The following FCHSD2 variants were observed in gnomAD, a reference collection of about 807,000 sequenced individuals.
FCHSD2 encodes F-BAR and double SH3 domains protein 2.
In FCHSD2, 38 loss-of-function variants were observed where a neutral mutation model predicts 108.1. The ratio of observed to expected loss-of-function variants is 0.35; its 90% CI spans 0.27 to 0.46. FCHSD2 has a LOEUF of 0.46. Ranked by LOEUF, FCHSD2 falls within the 20% of genes least tolerant of loss-of-function variation. The probability of loss-of-function intolerance (pLI) is 1.00; values close to 1 mark genes in which losing one functional copy is unlikely to be tolerated. For missense variants in FCHSD2, 751 were observed against 897.8 expected, an observed-to-expected ratio of 0.84 and a Z score of 2.09; for synonymous variants, 279 against 314.7, an observed-to-expected ratio of 0.89 and a Z score of 1.20.
chr11:72,984,179 G>T lies in FCHSD2; in HGVS notation c.614C>A (p.Thr205Asn). The T allele has an allele frequency of 1.2e-6, 2 of 1,613,578 alleles. No homozygotes were observed. The highest frequency in any genetic ancestry group is 2.2e-5 in the South Asian group (2 of 91,080). Residue 205 changes from threonine (T) to asparagine (N), a missense_variant, in exon 8 of 20, where the codon ACC becomes AAC. Transcript: ENST00000409418. Reference sequence around the variant, plus strand: ...AAGAAGATAATCATTCCTTGCGTGGGTAGCTTTGGAATTACACTCAGATCG... The same window carrying T: ...AAGAAGATAATCATTCCTTGCGTGGTTAGCTTTGGAATTACACTCAGATCG... ...ARRSECNSKA[T>N]HARNDYLLTL...
chr11:72,914,129 C>G lies in FCHSD2; in HGVS notation c.828+7699G>C, dbSNP rs147444597. Among the ~76,000 whole-genome samples, 933 of 152,196 alleles carry G rather than the reference C, an allele frequency of 6.1e-3. 6 individuals carry two copies. The highest frequency in any genetic ancestry group is 0.034 in the Middle Eastern group (10 of 294). On this transcript the variant is annotated intron_variant, in intron 9 of 19. Coordinates refer to ENST00000409418, the MANE Select transcript of FCHSD2 (RefSeq NM_014824.3). ...TCCTGGGTTCAAGTGATTCTCCTGCCTCAGCCTCCCGAGCAGCTGGGACTA... is the reference window on the plus strand; with the variant it reads ...TCCTGGGTTCAAGTGATTCTCCTGCGTCAGCCTCCCGAGCAGCTGGGACTA...
In FCHSD2 at chr11:73,087,157, A is replaced by G. The variant is rs1198543788; in HGVS notation, c.120-3417T>C. Among the ~76,000 whole-genome samples the G allele has an allele frequency of 2.6e-5, 4 of 152,200 alleles. No individual in the cohort carries two copies. In the East Asian group the frequency reaches 7.7e-4, roughly 29 times the overall value. ...AGACAATAATATTGATGATTCTGAC[A>G]GTGTGTAGGCCTAGGTTAATGTATG... On this transcript the variant is annotated intron_variant, in intron 2 of 19. Transcript: ENST00000409418.
At chr11:72,840,584 A>G (rs1335438809) in intron 19 of FCHSD2, among the ~76,000 whole-genome samples, 2 of 152,244 alleles carry the variant, frequency 1.3e-5, no homozygotes, top group African/African-American at 4.8e-5. Flanking sequence ...GTGTTTCACA[A>G]TTAGCCCGCT....
intron 3 of FCHSD2, among the ~76,000 whole-genome samples, chr11:73,045,005 G>C (rs945428427): frequency 1.3e-5 from 2 of 151,720 alleles, no homozygotes; most frequent in African/African-American, 4.8e-5. Flanking sequence ...GGGAGGCGGA[G>C]GTTGCAGTGA....
At chr11:73,100,423 G>A (rs1488601144) in intron 2 of FCHSD2, among the ~76,000 whole-genome samples, 1 of 152,038 alleles carries the variant, frequency 6.6e-6, no homozygotes, top group Non-Finnish European at 1.5e-5. Context: ...GAGTGCAATG[G>A]TGCAATCTCG....
chr11:72,882,285 T>TA (rs1439673808), intron 12 of FCHSD2, among the ~76,000 whole-genome samples: 4 of 143,900 alleles, frequency 2.8e-5, no homozygotes, highest in Admixed American at 7.0e-5. Context: ...TTATTACAAG[T>TA]AAAAAAATTA....
In FCHSD2 at chr11:72,958,043, C is replaced by T. The variant is rs914173724; in HGVS notation, c.705+26045G>A. ...ACAGATACATATATGTCTAAACACA[C>T]GACTCTTACCTCACCATTTAACTAC... On this transcript the variant is annotated intron_variant, in intron 8 of 19. Coordinates refer to ENST00000409418, the MANE Select transcript of FCHSD2 (RefSeq NM_014824.3). Among the ~76,000 whole-genome samples the T allele has an allele frequency of 2.6e-5, 4 of 152,276 alleles. No homozygotes were observed. In the East Asian group the frequency reaches 5.8e-4, roughly 22 times the overall value.
At chr11:73,068,624 A>C (rs1307373523) in intron 3 of FCHSD2, among the ~76,000 whole-genome samples, 4 of 152,120 alleles carry the variant, frequency 2.6e-5, no homozygotes, top group African/African-American at 9.7e-5. Context: ...CAAAATTAAC[A>C]ATTGGAACAC....
intron 8 of FCHSD2, among the ~76,000 whole-genome samples, chr11:72,958,732 T>C (rs11605166): frequency 0.15 from 23,490 of 152,142 alleles, 2,099 homozygotes; most frequent in South Asian, 0.21. Context: ...TTATCTATAG[T>C]CACTTAAAAG....
At chr11:73,015,620 A>T (rs1382353640) in intron 4 of FCHSD2, among the ~76,000 whole-genome samples, 189 bp downstream of exon 4, 1 of 152,156 alleles carries the variant, frequency 6.6e-6, no homozygotes, top group African/African-American at 2.4e-5. Context: ...TTTTATATAG[A>T]TTACAATCTA....
intron 3 of FCHSD2, among the ~76,000 whole-genome samples, chr11:73,073,746 T>C (rs1859485608): frequency 6.6e-6 from 1 of 152,234 alleles, no homozygotes; most frequent in Non-Finnish European, 1.5e-5. Flanking sequence ...CATAATGCCA[T>C]ATAAGTGGCT....
intron 9 of FCHSD2, among the ~76,000 whole-genome samples, chr11:72,911,742 T>G (rs1000321419): frequency 1.3e-5 from 2 of 152,194 alleles, no homozygotes; most frequent in South Asian, 4.1e-4. Context: ...TAGTTACATA[T>G]GTTCGCTTTT....
intron 8 of FCHSD2, among the ~76,000 whole-genome samples, chr11:72,974,262 G>A (rs1857064209): frequency 6.6e-6 from 1 of 152,178 alleles, no homozygotes; most frequent in African/African-American, 2.4e-5. Flanking sequence ...GAAAGCAGAA[G>A]AGCAACAGAA....
At chr11:72,902,694 C>T (rs1242259652) in intron 9 of FCHSD2, 56 bp from the exon 10 acceptor site, 2 of 1,046,444 alleles carry the variant, frequency 1.9e-6, no homozygotes, top group African/African-American at 3.2e-5. Context: ...TGTCCAATTA[C>T]ATTATAAAGT....
At chr11:73,019,571 G>T (rs1858051195) in intron 3 of FCHSD2, among the ~76,000 whole-genome samples, 1 of 152,132 alleles carries the variant, frequency 6.6e-6, no homozygotes, top group Non-Finnish European at 1.5e-5. Context: ...CTTCAGAGAT[G>T]AGATGAGGGA....
At chr11:72,906,385 C>G (rs143131200) in intron 9 of FCHSD2, among the ~76,000 whole-genome samples, 1 of 152,164 alleles carries the variant, frequency 6.6e-6, no homozygotes, top group Non-Finnish European at 1.5e-5. Flanking sequence ...TGCCTGTTCA[C>G]TCTGATGATA....
intron 12 of FCHSD2, chr11:72,869,723 A>T (rs1372080213): frequency 6.6e-6 from 1 of 152,166 alleles, no homozygotes; most frequent in Non-Finnish European, 1.5e-5. Flanking sequence ...AGAGATCAAG[A>T]GTGATAAAGT....
intron 9 of FCHSD2, among the ~76,000 whole-genome samples, chr11:72,910,515 T>C (rs1370036331): frequency 2.0e-5 from 3 of 152,224 alleles, no homozygotes; most frequent in African/African-American, 4.8e-5. Context: ...TGTTAATCTA[T>C]AACCTTACCC....
At chr11:73,003,926 G>A (rs140146646) in intron 4 of FCHSD2, among the ~76,000 whole-genome samples, 1 of 151,092 alleles carries the variant, frequency 6.6e-6, no homozygotes, top group African/African-American at 2.4e-5. Flanking sequence ...GGCCAACACG[G>A]TGAAATCCCG....
Sources: gnomAD v4.1 joint callset for allele counts (sites outside exome capture counted in the v4.1 genomes callset) on GRCh38, gnomAD v4.1.1 for gene constraint, MANE v1.5 for transcripts, NCBI Gene and HGNC (gene_info 2026-07-23, HGNC 2026-07-21) for gene names.